Variants in PCDHA3 observed in about 807,000 individuals in gnomAD.
The protein encoded by PCDHA3 is protocadherin alpha-3.
In PCDHA3, 41 loss-of-function variants were observed where a neutral mutation model predicts 62.2. That is an observed-to-expected ratio of 0.66 (90% CI 0.51 to 0.86). The LOEUF is 0.86. Among genes scored for constraint, PCDHA3 ranks in the 40% least tolerant of loss-of-function variants. The pLI, the probability that PCDHA3 is intolerant of heterozygous loss-of-function variation, is 0.00. For synonymous variants in PCDHA3, 640 were observed against 555.4 expected (o/e 1.15, Z -2.14); for missense variants, 1,304 against 1,241.2 (o/e 1.05, Z -0.76).
In PCDHA3 at chr5:140,822,644, C is replaced by A. The variant is rs1183246252; in HGVS notation, c.2394+19053C>A. On this transcript the variant is annotated intron_variant, in intron 1 of 3. Transcript: ENST00000522353. ...AATCTTGTTCTTGACGATGTAAAGTCCAAATTTATAATTAATTCTAATACT... is the reference window on the plus strand; with the variant it reads ...AATCTTGTTCTTGACGATGTAAAGTACAAATTTATAATTAATTCTAATACT... 5 of 1,610,170 alleles carry A rather than the reference C, an allele frequency of 3.1e-6. No individual in the cohort carries two copies. The highest frequency in any genetic ancestry group is 4.2e-6 in the Non-Finnish European group (5 of 1,177,610).
chr5:141,008,999 G>A (rs1389698923), intron 3 of PCDHA3, among the ~76,000 whole-genome samples: 1 of 152,200 alleles, frequency 6.6e-6, no homozygotes, highest in African/African-American at 2.4e-5. Context: ...ACTAAAAGGA[G>A]CATATTTTGC....
chr5:140,801,618 T>C lies in PCDHA3; in HGVS notation c.421T>C (p.Phe141Leu). The C allele has an allele frequency of 6.2e-7, 1 of 1,614,100 alleles. No homozygotes were observed. The highest frequency in any genetic ancestry group is 2.2e-5 in the East Asian group (1 of 44,874). Residue 141 changes from phenylalanine (F) to leucine (L), a missense_variant, in exon 1 of 4, where the codon TTT becomes CTT. Coordinates refer to ENST00000522353, the MANE Select transcript of PCDHA3 (RefSeq NM_018906.3). ...PVFPMAVKNL[F>L]ISESRQPGSR... ...TTTTCCAATGGCTGTAAAGAATCTG[T>C]TTATTTCCGAATCCCGACAGCCTGG...
chr5:140,889,766 A>T (rs2062380294), intron 1 of PCDHA3, among the ~76,000 whole-genome samples: 1 of 152,064 alleles, frequency 6.6e-6, no homozygotes, highest in Non-Finnish European at 1.5e-5. Flanking sequence ...TTGAACTTTG[A>T]CTGGTCTTAA....
intron 1 of PCDHA3, chr5:140,868,886 A>G: frequency 1.4e-6 from 1 of 730,322 alleles, no homozygotes; most frequent in Non-Finnish European, 2.1e-6. Context: ...TCACAGTTTT[A>G]GGCGCAAGGT....
In PCDHA3 at chr5:140,828,051, C is replaced by T. The variant is rs2150150373; in HGVS notation, c.2394+24460C>T. On this transcript the variant is annotated intron_variant, in intron 1 of 3. Transcript: ENST00000522353. The stretch of plus-strand genomic sequence containing the variant: ...GAACATACAGTATTTTATCTTTATG[C>T]GGAAGATCTTCTAATGGAAATAAAA... The T allele has an allele frequency of 2.6e-6, 4 of 1,545,274 alleles. No individual in the cohort carries two copies. In the South Asian group the frequency reaches 3.8e-5, roughly 15 times the overall value.
In PCDHA3 at chr5:140,834,800, T is replaced by A; in HGVS notation, c.2394+31209T>A. 3 of 1,612,758 alleles carry A rather than the reference T, an allele frequency of 1.9e-6. No homozygotes were observed. Among genetic ancestry groups the A allele is most frequent in the Non-Finnish European group, 2.5e-6 (3 of 1,179,706 alleles). On this transcript the variant is annotated intron_variant, in intron 1 of 3. Transcript: ENST00000522353. The stretch of plus-strand genomic sequence containing the variant: ...CGGTGTTCCCAGCGACACAAAGGAA[T>A]CTGTTCATCGCGGAATCCAGGCCGC...
rs565095262 is a variant in PCDHA3, at chr5:140,873,057, T to C, written c.2394+69466T>C. 8.5e-4 allele frequency among the ~76,000 whole-genome samples: 129 copies of C among 152,336 alleles called. 1 individual carries two copies. Among genetic ancestry groups the C allele is most frequent in the Middle Eastern group, 3.4e-3 (1 of 294 alleles). ...TAGAGTGGTGGTATTACAGACTTTC[T>C]TGAGAATCATATCTAGCTATTTCCC... On this transcript the variant is annotated intron_variant, in intron 1 of 3. Transcript: ENST00000522353.
intron 1 of PCDHA3, chr5:140,926,951 G>T (rs1554203848): frequency 1.9e-6 from 3 of 1,596,266 alleles, no homozygotes; most frequent in Middle Eastern, 1.7e-4. Context: ...GCTGCAGCGG[G>T]ACAGCTCGAG....
At chr5:140,869,256 C>T in intron 1 of PCDHA3, 2 of 1,613,586 alleles carry the variant, frequency 1.2e-6, no homozygotes, top group Non-Finnish European at 1.7e-6. Flanking sequence ...TCGCGCAGGA[C>T]CTGGGGCTGG....
At chr5:140,865,558 T>C (rs991717581) in intron 1 of PCDHA3, 1 of 152,224 alleles carries the variant, frequency 6.6e-6, no homozygotes, top group Non-Finnish European at 1.5e-5. Flanking sequence ...AGAGCCAATA[T>C]TGATCAGTAA....
At chr5:140,957,871 G>C (rs1312915058) in intron 1 of PCDHA3, among the ~76,000 whole-genome samples, 1 of 151,864 alleles carries the variant, frequency 6.6e-6, no homozygotes, top group African/African-American at 2.4e-5. Flanking sequence ...CCTATTTTGT[G>C]CTGAAAAGCT....
chr5:140,933,694 C>T (rs782754431), intron 1 of PCDHA3, among the ~76,000 whole-genome samples: 8 of 151,858 alleles, frequency 5.3e-5, no homozygotes, highest in South Asian at 4.1e-4. Flanking sequence ...TCCTATTCCT[C>T]GGACACATTT....
intron 1 of PCDHA3, chr5:140,843,080 G>A (rs1554139718): frequency 2.5e-6 from 4 of 1,595,426 alleles, no homozygotes; most frequent in African/African-American, 2.7e-5. Context: ...GTCTGTGGGC[G>A]CGGGCCACGT....
At chr5:140,918,051 A>C (rs782531005) in intron 1 of PCDHA3, among the ~76,000 whole-genome samples, 4 of 151,984 alleles carry the variant, frequency 2.6e-5, no homozygotes, top group Admixed American at 2.0e-4. Flanking sequence ...CATTTGTTTT[A>C]TCATCTCTGA....
At position 140,936,025 on chromosome 5, in the gene PCDHA3, G is replaced by A. The variant is rs542573400; in HGVS notation, c.2395-42924G>A. On this transcript the variant is annotated intron_variant, in intron 1 of 3. Coordinates refer to ENST00000522353, the MANE Select transcript of PCDHA3 (RefSeq NM_018906.3). ...CTCCCACCTCAGCCTCCCGAGTAGC[G>A]GGGATTACAGGCACCCACCACCACA... 1.5e-3 allele frequency among the ~76,000 whole-genome samples: 222 copies of A among 151,390 alleles called. 1 individual carries two copies. The highest frequency in any genetic ancestry group is 6.8e-3 in the Middle Eastern group (2 of 294).
chr5:140,829,861 G>A (rs200510937), intron 1 of PCDHA3: 1 of 1,613,956 alleles, frequency 6.2e-7, no homozygotes, highest in East Asian at 2.2e-5. Flanking sequence ...CAGGCCAAGT[G>A]GTGGCGAAGG....
intron 1 of PCDHA3, among the ~76,000 whole-genome samples, chr5:140,938,050 A>G (rs1169641392): frequency 6.6e-6 from 1 of 152,116 alleles, no homozygotes; most frequent in African/African-American, 2.4e-5. Context: ...TGGGTTTTCT[A>G]CATATACTGT....
chr5:140,823,131 G>A (rs142929389), intron 1 of PCDHA3: 5 of 1,614,008 alleles, frequency 3.1e-6, no homozygotes, highest in Middle Eastern at 1.7e-4. Flanking sequence ...ACAACGCTCC[G>A]GCGTTCGCGC....
intron 1 of PCDHA3, chr5:140,869,217 G>A: frequency 1.2e-6 from 2 of 1,613,842 alleles, no homozygotes; most frequent in South Asian, 1.1e-5. Context: ...TCTCGGAGGA[G>A]GCCAAACACG....
Sources: allele counts gnomAD v4.1 joint callset (sites outside exome capture counted in the v4.1 genomes callset), GRCh38; gene constraint gnomAD v4.1.1; transcripts MANE v1.5; gene names NCBI Gene and HGNC (gene_info 2026-07-23, HGNC 2026-07-21).